The following PTPRD variants were observed in gnomAD, a reference collection of about 807,000 sequenced individuals.
PTPRD encodes the protein protein tyrosine phosphatase receptor type D.
PTPRD carries 34 observed loss-of-function variants against 214.5 expected under a neutral mutation model. That is an observed-to-expected ratio of 0.16 (90% CI 0.12 to 0.21). The LOEUF is 0.21. PTPRD is among the 10% of genes least tolerant of loss of function. The probability of loss-of-function intolerance (pLI) is 1.00; values close to 1 mark genes in which losing one functional copy is unlikely to be tolerated. For missense variants in PTPRD, 2,545 were observed against 2,398.7 expected, an observed-to-expected ratio of 1.06 and a Z score of -1.27; for synonymous variants, 1,128 against 845.7, an observed-to-expected ratio of 1.33 and a Z score of -5.79.
intron 7 of PTPRD, among the ~76,000 whole-genome samples, chr9:9,712,931 G>T (rs534415520): frequency 6.6e-6 from 1 of 152,142 alleles, no homozygotes; most frequent in South Asian, 2.1e-4. Flanking sequence ...CCTTGTATAA[G>T]AAATACACAA....
chr9:8,486,217 G>A lies in PTPRD; in HGVS notation c.2600C>T (p.Pro867Leu), dbSNP rs73426359. The change falls in exon 28 of 46, where the codon CCA becomes CTA. Residue 867 changes from proline to leucine, a missense_variant. Coordinates refer to ENST00000381196, the MANE Select transcript of PTPRD (RefSeq NM_002839.4). ...TTCAGAGAACTCAAGAGTAGTAAGT[G>A]GCTCCATATCCTTGCGGCCAAATTT... ...RLKFGRKDME[P>L]LTTLEFSEKE... is the part of the protein sequence containing the mutation. The A allele has an allele frequency of 3.5e-4, 573 of 1,614,162 alleles. 4 individuals are homozygous for A. In the African/African-American group the frequency reaches 7.1e-3, roughly 20 times the overall value.
chr9:9,703,988 A>G lies in PTPRD; in HGVS notation c.-287+30545T>C, dbSNP rs186257261. ...CAGCCCTGATCTCCCAGGCTCAAAC[A>G]ATTTCCACCTCAGCCTCCCAAGTAG... On this transcript the variant is annotated intron_variant, in intron 7 of 45. Coordinates refer to ENST00000381196, the MANE Select transcript of PTPRD (RefSeq NM_002839.4). Among the ~76,000 whole-genome samples, 132 of 152,240 alleles carry G rather than the reference A, an allele frequency of 8.7e-4. 2 individuals carry two copies. The highest frequency in any genetic ancestry group is 3.1e-3 in the African/African-American group (127 of 41,564).
chr9:9,997,653 A>C (rs1566994701), intron 4 of PTPRD, among the ~76,000 whole-genome samples: 1 of 152,190 alleles, frequency 6.6e-6, no homozygotes, highest in Non-Finnish European at 1.5e-5. Context: ...GAGTAAAAAG[A>C]GTTCTTGGTA....
intron 14 of PTPRD, among the ~76,000 whole-genome samples, chr9:8,631,705 G>C (rs1294085734): frequency 6.6e-6 from 1 of 151,772 alleles, no homozygotes; most frequent in African/African-American, 2.4e-5. Flanking sequence ...TCTTGCTGGA[G>C]TGTTAAAACT....
chr9:10,200,793 AG>A (rs1343727533), intron 3 of PTPRD, among the ~76,000 whole-genome samples: 1 of 152,142 alleles, frequency 6.6e-6, no homozygotes, highest in Admixed American at 6.6e-5. Context: ...ATTTTACCTG[AG>A]GAAAAATATA....
chr9:10,323,511 T>A (rs2096592261), intron 3 of PTPRD, among the ~76,000 whole-genome samples: 1 of 151,308 alleles, frequency 6.6e-6, no homozygotes, highest in African/African-American at 2.4e-5. Flanking sequence ...TCACTGTGTT[T>A]CTCAGACTGG....
At chr9:10,264,172 G>C (rs935950825) in intron 3 of PTPRD, among the ~76,000 whole-genome samples, 4 of 152,198 alleles carry the variant, frequency 2.6e-5, no homozygotes, top group African/African-American at 9.6e-5. Flanking sequence ...GGACAGTGTG[G>C]AAGGGAAATG....
chr9:8,803,255 C>A (rs1053115653), intron 11 of PTPRD, among the ~76,000 whole-genome samples: 3 of 152,132 alleles, frequency 2.0e-5, no homozygotes, highest in Admixed American at 1.3e-4. Context: ...CCTTCTCTCT[C>A]TGATCTGAGC....
intron 2 of PTPRD, among the ~76,000 whole-genome samples, chr9:10,396,975 C>G (rs2098182658): frequency 6.6e-6 from 1 of 151,902 alleles, no homozygotes; most frequent in Admixed American, 6.6e-5. Flanking sequence ...AATTGCAGGT[C>G]ACATACCTAG....
intron 10 of PTPRD, among the ~76,000 whole-genome samples, chr9:9,167,172 T>C (rs1461289965): frequency 6.6e-6 from 1 of 152,036 alleles, no homozygotes; most frequent in Non-Finnish European, 1.5e-5. Flanking sequence ...TTTATTGTAT[T>C]ATATTTGTTT....
Position 8,617,274 on chromosome 9 carries a change from G to C in PTPRD, c.352+16043C>G, listed in dbSNP as rs545889259. On this transcript the variant is annotated intron_variant, in intron 14 of 45. Coordinates refer to ENST00000381196, the MANE Select transcript of PTPRD (RefSeq NM_002839.4). ...TGGGAAAGAAGGCTGGGAGAATGAA[G>C]ATGTCTACTCAGTGTCTCTGATGAG... Among the ~76,000 whole-genome samples the C allele has an allele frequency of 5.3e-5, 8 of 152,194 alleles. No individual in the cohort carries two copies. The South Asian group carries it at 1.7e-3, about 32-fold the overall frequency.
At chr9:9,433,023 C>T (rs1281406070) in intron 8 of PTPRD, among the ~76,000 whole-genome samples, 1 of 151,944 alleles carries the variant, frequency 6.6e-6, no homozygotes, top group African/African-American at 2.4e-5. Context: ...TGTGTGTTTC[C>T]GAATGCAAGC....
intron 12 of PTPRD, chr9:8,713,676 C>T (rs2098395422): frequency 1.5e-5 from 23 of 1,514,062 alleles, no homozygotes; most frequent in Non-Finnish European, 1.8e-5. Flanking sequence ...CCCGGGCCCA[C>T]TCCATTCAGA....
intron 21 of PTPRD, among the ~76,000 whole-genome samples, chr9:8,507,979 G>A (rs558473885): frequency 6.6e-6 from 1 of 152,052 alleles, no homozygotes; most frequent in Non-Finnish European, 1.5e-5. Context: ...TTTTGAAGAA[G>A]AGGTGTAAGA....
intron 12 of PTPRD, among the ~76,000 whole-genome samples, chr9:8,725,210 A>G (rs912861847): frequency 1.3e-5 from 2 of 152,230 alleles, no homozygotes; most frequent in Non-Finnish European, 2.9e-5. Context: ...ATTACTTTTC[A>G]GAACAGATGA....
At chr9:8,828,389 T>A (rs1308711522) in intron 11 of PTPRD, among the ~76,000 whole-genome samples, 1 of 152,186 alleles carries the variant, frequency 6.6e-6, no homozygotes, top group Non-Finnish European at 1.5e-5. Context: ...GACTTCTCAC[T>A]GCCATGTGAG....
chr9:10,133,235 G>A (rs548683390), intron 3 of PTPRD, among the ~76,000 whole-genome samples: 2 of 152,100 alleles, frequency 1.3e-5, no homozygotes, highest in Non-Finnish European at 2.9e-5. Flanking sequence ...TGATACAGAG[G>A]AGAACTGAAA....
chr9:9,990,746 T>C (rs1472633159), intron 4 of PTPRD, among the ~76,000 whole-genome samples: 5 of 152,324 alleles, frequency 3.3e-5, no homozygotes, highest in African/African-American at 7.2e-5. Context: ...TTTGCTTACA[T>C]TGGGCATTAT....
At chr9:10,446,417 CTTTTTTTT>C (rs34478548) in intron 2 of PTPRD, among the ~76,000 whole-genome samples, 3 of 92,964 alleles carry the variant, frequency 3.2e-5, no homozygotes, top group African/African-American at 8.2e-5. Flanking sequence ...CTATTTTTTT[CTTTTTTTT>C]TTTTTTTTTT....
Sources: gnomAD v4.1 joint callset for allele counts (sites outside exome capture counted in the v4.1 genomes callset) on GRCh38, gnomAD v4.1.1 for gene constraint, MANE v1.5 for transcripts, NCBI Gene and HGNC (gene_info 2026-07-23, HGNC 2026-07-21) for gene names.